Variants in CCR3 observed in about 807,000 individuals in gnomAD.
CCR3 encodes C-C chemokine receptor type 3.
For missense variants in CCR3, 419 were observed against 437.5 expected (o/e 0.96, Z 0.38); for synonymous variants, 203 against 179.2 (o/e 1.13, Z -1.06).
At chr3:46,227,144 A>G (rs1479368541) in intron 2 of CCR3, among the ~76,000 whole-genome samples, 1 of 152,056 alleles carries the variant, frequency 6.6e-6, no homozygotes, top group African/African-American at 2.4e-5. Context: ...TCAGCCTCTC[A>G]AAGTGCTGGG....
chr3:46,255,603 C>T (rs1456868859), intron 1 of CCR3, among the ~76,000 whole-genome samples: 1 of 152,094 alleles, frequency 6.6e-6, no homozygotes, highest in East Asian at 1.9e-4. Context: ...CAGTTTCATT[C>T]TTCTACACAT....
At chr3:46,258,883 A>C (rs1700475052) in intron 1 of CCR3, among the ~76,000 whole-genome samples, 1 of 152,216 alleles carries the variant, frequency 6.6e-6, no homozygotes, top group Admixed American at 6.5e-5. Context: ...AGATTTAGCC[A>C]ATCAATTGTG....
At position 46,244,713 on chromosome 3, in the gene CCR3, G is replaced by T. The variant is rs2125928078; in HGVS notation, c.-12+2175G>T. ...GAATGTCATCAGTTAAGGCGGGGCA[G>T]GGCATTTTCACTTCTTTTGTGATTC... On this transcript the variant is annotated intron_variant, in intron 1 of 1. Coordinates refer to ENST00000395940, the MANE Select transcript of CCR3 (RefSeq NM_178329.3). Among the ~76,000 whole-genome samples the T allele has an allele frequency of 4.6e-5, 7 of 152,272 alleles. 1 individual carries two copies. The South Asian group carries it at 1.5e-3, about 32-fold the overall frequency.
intron 1 of CCR3, among the ~76,000 whole-genome samples, chr3:46,245,456 A>G (rs1468026240): frequency 6.8e-6 from 1 of 147,526 alleles, no homozygotes. Flanking sequence ...GCCTAATCCA[A>G]CCCTTTAATT....
chr3:46,264,272 G>C (rs1700577509), intron 1 of CCR3: 1 of 751,900 alleles, frequency 1.3e-6, no homozygotes, highest in Non-Finnish European at 2.2e-6. Context: ...AGCATCACCA[G>C]GGGCAAGAAA....
At chr3:46,211,053 C>G (rs1699706176) in intron 2 of CCR3, 1 of 152,132 alleles carries the variant, frequency 6.6e-6, no homozygotes, top group South Asian at 2.1e-4. Flanking sequence ...GTTAAAAAAT[C>G]TGAGAACTAG....
intron 2 of CCR3, among the ~76,000 whole-genome samples, chr3:46,223,916 C>T (rs546047350): frequency 6.6e-6 from 1 of 152,034 alleles, no homozygotes; most frequent in East Asian, 1.9e-4. Flanking sequence ...CCAGAGGTGT[C>T]GGTAAATAGA....
chr3:46,218,410 AC>A (rs1699799750), intron 2 of CCR3, among the ~76,000 whole-genome samples: 1 of 152,126 alleles, frequency 6.6e-6, no homozygotes, highest in African/African-American at 2.4e-5. Context: ...AAGAATTGGC[AC>A]CAATCCTACT....
At chr3:46,246,013 C>A (rs1700182922) in intron 1 of CCR3, among the ~76,000 whole-genome samples, 1 of 152,188 alleles carries the variant, frequency 6.6e-6, no homozygotes, top group Non-Finnish European at 1.5e-5. Context: ...ATTCCAAGTT[C>A]TGCCAACTAT....
chr3:46,224,563 C>T (rs1434555602), intron 2 of CCR3, among the ~76,000 whole-genome samples: 1 of 151,644 alleles, frequency 6.6e-6, no homozygotes, highest in Non-Finnish European at 1.5e-5. Context: ...ATGGTGAAAC[C>T]CTGTCTCTAC....
At chr3:46,214,082 G>C (rs973794766) in intron 2 of CCR3, among the ~76,000 whole-genome samples, 1 of 152,222 alleles carries the variant, frequency 6.6e-6, no homozygotes, top group Non-Finnish European at 1.5e-5. Flanking sequence ...GATGATAGCT[G>C]TATCCAAAGC....
chr3:46,240,722 C>T (rs1700072184), upstream of CCR3, among the ~76,000 whole-genome samples: 1 of 152,168 alleles, frequency 6.6e-6, no homozygotes, highest in South Asian at 2.1e-4. Flanking sequence ...ACACTGGCCT[C>T]CACGTAGTCC....
At chr3:46,261,637 C>A (rs1432693493) in intron 1 of CCR3, among the ~76,000 whole-genome samples, 2 of 152,308 alleles carry the variant, frequency 1.3e-5, no homozygotes, top group Non-Finnish European at 2.9e-5. Context: ...AAGATGGGGA[C>A]CCCCAAGGAA....
At chr3:46,214,218 G>A (rs748638394) in intron 2 of CCR3, among the ~76,000 whole-genome samples, 25 of 151,846 alleles carry the variant, frequency 1.6e-4, no homozygotes, top group Non-Finnish European at 2.8e-4. Flanking sequence ...TTCCTATTTC[G>A]CTGAGAAAAT....
At chr3:46,229,474 G>T (rs1333911511) in intron 2 of CCR3, among the ~76,000 whole-genome samples, 1 of 152,128 alleles carries the variant, frequency 6.6e-6, no homozygotes, top group East Asian at 1.9e-4. Context: ...TAGCATTGAT[G>T]ATATAAATTG....
intron 2 of CCR3, among the ~76,000 whole-genome samples, chr3:46,227,934 G>A (rs778687987): frequency 2.0e-5 from 3 of 151,874 alleles, no homozygotes; most frequent in South Asian, 2.1e-4. Context: ...GGTTTATCTC[G>A]GTGAATGTTC....
intron 2 of CCR3, among the ~76,000 whole-genome samples, chr3:46,219,511 A>C (rs555360559): frequency 1.3e-5 from 2 of 152,312 alleles, no homozygotes; most frequent in Non-Finnish European, 2.9e-5. Context: ...ACCAAAAAAG[A>C]GCCCACAAAG....
intron 2 of CCR3, among the ~76,000 whole-genome samples, chr3:46,217,526 C>T (rs1295095123): frequency 6.6e-6 from 1 of 152,124 alleles, no homozygotes; most frequent in African/African-American, 2.4e-5. Context: ...TTTTCATCAG[C>T]TCATGGAACA....
chr3:46,218,597 G>A (rs1210382842), intron 2 of CCR3, among the ~76,000 whole-genome samples: 2 of 151,974 alleles, frequency 1.3e-5, no homozygotes, highest in Admixed American at 6.6e-5. Flanking sequence ...CTAGGTAACC[G>A]AATTCAACAG....
Sources: gnomAD v4.1 joint callset for allele counts (sites outside exome capture counted in the v4.1 genomes callset) on GRCh38, gnomAD v4.1.1 for gene constraint, MANE v1.5 for transcripts, NCBI Gene and HGNC (gene_info 2026-07-23, HGNC 2026-07-21) for gene names.